Variants in AGMO observed in about 807,000 individuals in gnomAD.
AGMO encodes the protein alkylglycerol monooxygenase.
Under a neutral mutation model 60.2 loss-of-function variants are expected in AGMO, and 75 were observed. That is an observed-to-expected ratio of 1.25 (90% CI 1.03 to 1.51). AGMO has a LOEUF of 1.51. Ranked by LOEUF, AGMO falls within the 40% of genes most tolerant of loss-of-function variation. The pLI, the probability that AGMO is intolerant of heterozygous loss-of-function variation, is 0.00. For synonymous variants in AGMO, 261 were observed against 177.1 expected (o/e 1.47, Z -3.76); for missense variants, 763 against 525.5 (o/e 1.45, Z -4.42).
chr7:15,461,148 A>G (rs565729385), intron 3 of AGMO, among the ~76,000 whole-genome samples: 33 of 152,228 alleles, frequency 2.2e-4, no homozygotes, highest in East Asian at 1.4e-3. Flanking sequence ...CATGAAACAT[A>G]AAGTTATTGC....
At chr7:15,299,881 AC>A (rs1563075566) in intron 12 of AGMO, among the ~76,000 whole-genome samples, 4,351 of 124,976 alleles carry the variant, frequency 0.035, 294 homozygotes, top group African/African-American at 0.13. Flanking sequence ...ACACACACAC[AC>A]ACACAGTATG....
chr7:15,387,304 C>CT, intron 9 of AGMO, 102 bp downstream of exon 9: 1 of 1,356,428 alleles, frequency 7.4e-7, no homozygotes, highest in Non-Finnish European at 1.0e-6. Context: ...GGGGGAACAT[C>CT]TTTTTACAGA....
chr7:15,437,944 C>T (rs1276409220), intron 3 of AGMO, among the ~76,000 whole-genome samples: 1 of 152,148 alleles, frequency 6.6e-6, no homozygotes, highest in East Asian at 1.9e-4. Flanking sequence ...AACACTATAC[C>T]TTCCCTTTAT....
chr7:15,322,241 T>G (rs549712290), intron 12 of AGMO, among the ~76,000 whole-genome samples: 1 of 146,898 alleles, frequency 6.8e-6, no homozygotes, highest in East Asian at 2.0e-4. Flanking sequence ...TAATGTAATA[T>G]AATATAAGAA....
intron 3 of AGMO, among the ~76,000 whole-genome samples, chr7:15,437,605 C>T (rs1282161528): frequency 6.6e-6 from 1 of 150,422 alleles, no homozygotes; most frequent in African/African-American, 2.5e-5. Context: ...TGGGATCTCC[C>T]CTCACTGCAA....
intron 12 of AGMO, among the ~76,000 whole-genome samples, chr7:15,338,865 A>G (rs1014316620): frequency 3.0e-4 from 46 of 152,180 alleles, no homozygotes; most frequent in African/African-American, 1.1e-3. Flanking sequence ...CAGTGTCTTT[A>G]TATGTTTAAC....
At chr7:15,366,451 A>T (rs1374971048) in intron 10 of AGMO, among the ~76,000 whole-genome samples, 1 of 152,138 alleles carries the variant, frequency 6.6e-6, no homozygotes, top group Admixed American at 6.6e-5. Context: ...TATTTTGCTT[A>T]AAGTGTTCAT....
intron 12 of AGMO, among the ~76,000 whole-genome samples, chr7:15,277,693 T>A (rs917595885): frequency 6.6e-6 from 1 of 152,136 alleles, no homozygotes; most frequent in Non-Finnish European, 1.5e-5. Context: ...AAATGGCAAT[T>A]ACAGGTAATA....
chr7:15,267,651 A>T (rs1033945600), intron 12 of AGMO, among the ~76,000 whole-genome samples: 12 of 151,958 alleles, frequency 7.9e-5, no homozygotes, highest in African/African-American at 2.9e-4. Context: ...AGTAGGGCAC[A>T]CAGCTTCTAC....
intron 3 of AGMO, among the ~76,000 whole-genome samples, chr7:15,495,792 G>T (rs549595265): frequency 1.3e-5 from 2 of 151,254 alleles, no homozygotes; most frequent in African/African-American, 4.9e-5. Context: ...GCTTCATACA[G>T]CTTTTCCTTT....
At chr7:15,185,981 T>C in the AGMO span, among the ~76,000 whole-genome samples, 1 of 152,190 alleles carries the variant, frequency 6.6e-6, no homozygotes, top group Non-Finnish European at 1.5e-5. Context: ...CAAAAGCTAT[T>C]TTGTGGGCAA....
chr7:15,374,331 G>A (rs1309747381), intron 10 of AGMO, among the ~76,000 whole-genome samples: 6 of 152,154 alleles, frequency 3.9e-5, no homozygotes, highest in African/African-American at 1.2e-4. Flanking sequence ...CAAGCAAGAA[G>A]CAAACATAAT....
chr7:15,390,746 T>G lies in AGMO; in HGVS notation c.747A>C (p.Thr249=). The G allele has an allele frequency of 1.2e-6, 2 of 1,608,784 alleles. No individual in the cohort carries two copies. The highest frequency in any genetic ancestry group is 1.7e-6 in the Non-Finnish European group (2 of 1,175,952). ...CAACTTTTTCATTTTCTGCTTCAAATGTCCCTGGAAGATAAATATAAAGAT... is the reference window on the plus strand; with the variant it reads ...CAACTTTTTCATTTTCTGCTTCAAAGGTCCCTGGAAGATAAATATAAAGAT... ...VLIIWDKIFG[T]FEAENEKVVY... Residue 249 remains threonine, a synonymous_variant, in exon 8 of 13, where the codon ACA becomes ACC. Coordinates refer to ENST00000342526, the MANE Select transcript of AGMO (RefSeq NM_001004320.2).
At chr7:15,508,367 C>T (rs1783578415) in intron 3 of AGMO, among the ~76,000 whole-genome samples, 1 of 152,210 alleles carries the variant, frequency 6.6e-6, no homozygotes, top group African/African-American at 2.4e-5. Flanking sequence ...TGCAAGTTGA[C>T]ATCTGTAAAG....
At chr7:15,273,281 A>G (rs1783672328) in intron 12 of AGMO, among the ~76,000 whole-genome samples, 1 of 152,156 alleles carries the variant, frequency 6.6e-6, no homozygotes, top group Non-Finnish European at 1.5e-5. Context: ...TAAGTCTTCA[A>G]TCCACCTTGA....
In AGMO at chr7:15,347,364, A is replaced by T. The variant is rs1029176753; in HGVS notation, c.1263+18150T>A. On this transcript the variant is annotated intron_variant, in intron 12 of 12. Coordinates refer to ENST00000342526, the MANE Select transcript of AGMO (RefSeq NM_001004320.2). The stretch of plus-strand genomic sequence containing the variant: ...ATAATTAGGTTTCTCCCACTTATAA[A>T]ATAGCACAACTGATGAAAGCTGACA... Among the ~76,000 whole-genome samples the T allele has an allele frequency of 3.9e-5, 6 of 152,182 alleles. No individual in the cohort carries two copies. In the East Asian group the frequency reaches 5.8e-4, roughly 15 times the overall value.
intron 3 of AGMO, among the ~76,000 whole-genome samples, chr7:15,530,775 A>C (rs866604774): frequency 1.3e-4 from 17 of 132,410 alleles, no homozygotes; most frequent in South Asian, 1.1e-3. Context: ...ATACATTTCT[A>C]TATATATTCT....
the AGMO span, among the ~76,000 whole-genome samples, chr7:15,176,072 C>A: frequency 2.0e-5 from 3 of 151,956 alleles, no homozygotes; most frequent in Non-Finnish European, 4.4e-5. Context: ...GTCATGTCTG[C>A]CACTTTTTAA....
At chr7:15,165,742 G>C in the AGMO span, among the ~76,000 whole-genome samples, 1 of 151,980 alleles carries the variant, frequency 6.6e-6, no homozygotes, top group South Asian at 2.1e-4. Flanking sequence ...ATAACACGTG[G>C]TTAATTGGGA....
Sources: allele counts gnomAD v4.1 joint callset (sites outside exome capture counted in the v4.1 genomes callset), GRCh38; gene constraint gnomAD v4.1.1; transcripts MANE v1.5; gene names NCBI Gene and HGNC (gene_info 2026-07-23, HGNC 2026-07-21).